SLC39A11: variants seen among roughly 807,000 people sequenced by gnomAD.
SLC39A11 encodes solute carrier family 39 member 11.
SLC39A11 carries 33 observed loss-of-function variants against 36.1 expected under a neutral mutation model. The observed-to-expected ratio is 0.91, with a 90% CI of 0.69 to 1.22. SLC39A11 has a LOEUF of 1.22. SLC39A11 is among the 50% of genes most tolerant of loss of function. The pLI, the probability that SLC39A11 is intolerant of heterozygous loss-of-function variation, is 0.00. For missense variants in SLC39A11, 432 were observed against 430.3 expected, an observed-to-expected ratio of 1.00 and a Z score of -0.03; for synonymous variants, 166 against 170.3, an observed-to-expected ratio of 0.97 and a Z score of 0.20.
chr17:72,779,651 T>A (rs979621034), intron 6 of SLC39A11, among the ~76,000 whole-genome samples: 10 of 152,100 alleles, frequency 6.6e-5, no homozygotes, highest in Admixed American at 5.2e-4. Flanking sequence ...CCTTCACCCA[T>A]TCAACATTTT....
chr17:72,804,321 G>A (rs927638450), intron 6 of SLC39A11, among the ~76,000 whole-genome samples: 5 of 152,176 alleles, frequency 3.3e-5, no homozygotes, highest in African/African-American at 1.2e-4. Flanking sequence ...GTTCTGCCCA[G>A]TGGTCAATGT....
intron 5 of SLC39A11, among the ~76,000 whole-genome samples, chr17:72,911,868 T>C (rs2083022959): frequency 1.3e-5 from 2 of 152,322 alleles, no homozygotes; most frequent in African/African-American, 4.8e-5. Flanking sequence ...GGTCTTGAAC[T>C]TCCAACCTCA....
intron 4 of SLC39A11, among the ~76,000 whole-genome samples, chr17:72,985,382 C>T (rs1450015273): frequency 1.4e-5 from 2 of 141,640 alleles, no homozygotes; most frequent in South Asian, 2.4e-4. Flanking sequence ...TCCATGCAAA[C>T]CTTCTTTATT....
At chr17:72,829,513 C>G (rs2078178071) in intron 6 of SLC39A11, among the ~76,000 whole-genome samples, 2 of 152,050 alleles carry the variant, frequency 1.3e-5, no homozygotes, top group African/African-American at 4.8e-5. Flanking sequence ...CCTTCCAGCT[C>G]AAGGGCAGCT....
At chr17:72,707,263 G>A (rs1227510670) in intron 7 of SLC39A11, among the ~76,000 whole-genome samples, 1 of 152,042 alleles carries the variant, frequency 6.6e-6, no homozygotes, top group Non-Finnish European at 1.5e-5. Flanking sequence ...AAGTAGCTGG[G>A]TGTAGGGGTC....
At chr17:72,707,559 T>C (rs781014970) in intron 7 of SLC39A11, among the ~76,000 whole-genome samples, 44 of 152,152 alleles carry the variant, frequency 2.9e-4, no homozygotes, top group Non-Finnish European at 5.1e-4. Context: ...GGAAAGCAAA[T>C]AAAGATCACT....
At chr17:73,055,058 G>A (rs2059623716) in intron 3 of SLC39A11, among the ~76,000 whole-genome samples, 1 of 152,080 alleles carries the variant, frequency 6.6e-6, no homozygotes, top group African/African-American at 2.4e-5. Context: ...TAAATGACAA[G>A]CAAACTCTCC....
At chr17:72,647,867 A>G (rs908093175) in intron 9 of SLC39A11, among the ~76,000 whole-genome samples, 1 of 152,218 alleles carries the variant, frequency 6.6e-6, no homozygotes, top group African/African-American at 2.4e-5. Context: ...CAGTATCATA[A>G]TTATCCTCAT....
At chr17:72,837,997 T>C (rs2078640969) in intron 6 of SLC39A11, 3 of 1,231,034 alleles carry the variant, frequency 2.4e-6, no homozygotes, top group Non-Finnish European at 3.0e-6. Context: ...TCAGGAATAG[T>C]GGTAGGTTGG....
intron 4 of SLC39A11, among the ~76,000 whole-genome samples, chr17:72,961,534 T>C (rs949183753): frequency 2.0e-5 from 3 of 152,166 alleles, no homozygotes; most frequent in African/African-American, 7.2e-5. Flanking sequence ...GTGGCACATA[T>C]ACACCATGGA....
intron 5 of SLC39A11, among the ~76,000 whole-genome samples, chr17:72,869,466 T>A (rs1371139456): frequency 6.6e-6 from 1 of 152,224 alleles, no homozygotes; most frequent in African/African-American, 2.4e-5. Flanking sequence ...CTTGGCTCAC[T>A]GCAACCTCTG....
At chr17:72,783,733 A>C (rs59729565) in intron 6 of SLC39A11, among the ~76,000 whole-genome samples, 11,104 of 152,296 alleles carry the variant, frequency 0.073, 432 homozygotes, top group African/African-American at 0.087. Context: ...AAACGCAGGC[A>C]GGAGTCTGAC....
chr17:73,008,881 C>G (rs936879798), intron 4 of SLC39A11, among the ~76,000 whole-genome samples: 3 of 151,338 alleles, frequency 2.0e-5, no homozygotes, highest in Admixed American at 2.0e-4. Flanking sequence ...TAGTGAGATG[C>G]TGTCACTACA....
At chr17:72,794,945 AG>A (rs1255029693) in intron 6 of SLC39A11, among the ~76,000 whole-genome samples, 1 of 152,128 alleles carries the variant, frequency 6.6e-6, no homozygotes, top group Non-Finnish European at 1.5e-5. Context: ...ACTGGATATG[AG>A]GGATGAATGC....
At chr17:72,834,316 C>A (rs2008365) in intron 6 of SLC39A11, among the ~76,000 whole-genome samples, 1 of 152,000 alleles carries the variant, frequency 6.6e-6, no homozygotes, top group African/African-American at 2.4e-5. Flanking sequence ...GAATTGGACA[C>A]AGCAAGTCTA....
At chr17:72,878,979 GAACCCAAGGA>G (rs2081056317) in intron 5 of SLC39A11, among the ~76,000 whole-genome samples, 1 of 152,236 alleles carries the variant, frequency 6.6e-6, no homozygotes, top group Non-Finnish European at 1.5e-5. Context: ...ATGGCTCACA[GAACCCAAGGA>G]AACACTTCAC....
rs576982841 is a variant in SLC39A11 at position 72,799,499 on chromosome 17, G to A, written c.601+50135C>T. ...GAGCCTATAAACAGACGTGCAAGTA[G>A]GGAAGATATTGCTAAATTCTTTTCC... is the stretch of plus-strand genomic sequence containing the variant. On this transcript the variant is annotated intron_variant, in intron 6 of 9. Coordinates refer to ENST00000255559, the MANE Select transcript of SLC39A11 (RefSeq NM_139177.4). Among the ~76,000 whole-genome samples, 6 of 152,180 alleles carry A rather than the reference G, an allele frequency of 3.9e-5. No homozygotes were observed. The East Asian group carries it at 7.7e-4, about 20-fold the overall frequency.
At chr17:72,874,712 A>G (rs1030430609) in intron 5 of SLC39A11, among the ~76,000 whole-genome samples, 11 of 152,194 alleles carry the variant, frequency 7.2e-5, no homozygotes, top group Admixed American at 6.5e-5. Flanking sequence ...AATGAGCAGA[A>G]GTATCCTTGA....
rs1201687637 is a variant in SLC39A11 at position 72,670,212 on chromosome 17, CATAT to C, written c.672-20948_672-20945del. ...ACACACACACACACACACACACACA[CATAT>C]ATATATATGCCAGGCATGGTGGCAC... On this transcript the variant is annotated intron_variant, in intron 7 of 9. Transcript: ENST00000255559. Among the ~76,000 whole-genome samples, 808 of 125,164 alleles carry C rather than the reference CATAT, an allele frequency of 6.5e-3. 4 individuals are homozygous for C. The highest frequency in any genetic ancestry group is 0.014 in the African/African-American group (470 of 33,406). The allele number at this position is 125,164 out of a possible 152,430, so 82.1% of individuals were successfully genotyped here.
Sources: allele counts gnomAD v4.1 joint callset (sites outside exome capture counted in the v4.1 genomes callset), GRCh38; gene constraint gnomAD v4.1.1; transcripts MANE v1.5; gene names NCBI Gene and HGNC (gene_info 2026-07-23, HGNC 2026-07-21).